The following TTC13 variants were observed in gnomAD, a reference collection of about 807,000 sequenced individuals.
TTC13 encodes the protein tetratricopeptide repeat domain 13, also known as tetratricopeptide repeat protein 13.
Under a neutral mutation model 120.0 loss-of-function variants are expected in TTC13, and 62 were observed. The ratio of observed to expected loss-of-function variants is 0.52; its 90% CI spans 0.42 to 0.64. The LOEUF (loss-of-function observed/expected upper bound fraction) is 0.64. TTC13 is among the 30% of genes least tolerant of loss of function. The pLI, the probability that TTC13 is intolerant of heterozygous loss-of-function variation, is 0.00. For synonymous variants in TTC13, 384 were observed against 393.5 expected (o/e 0.98, Z 0.28); for missense variants, 824 against 1,050.2 (o/e 0.78, Z 2.98).
chr1:230,940,496 G>A lies in TTC13; in HGVS notation c.733C>T (p.Leu245=), dbSNP rs368133026. 2.4e-5 allele frequency: 38 copies of A among 1,613,858 alleles called. No individual in the cohort carries two copies. The highest frequency in any genetic ancestry group is 3.1e-5 in the Non-Finnish European group (37 of 1,179,938). The stretch of plus-strand genomic sequence containing the variant: ...CTGTACAGCCGTGCTGAGGGCTGCA[G>A]TTGGATAGCTTTAGTGAGGTCATTC... ...AVNDLTKAIQ[L]QPSARLYRHR... The change falls in exon 7 of 23, where the codon CTG becomes TTG. Residue 245 remains leucine, a synonymous_variant. Coordinates refer to ENST00000366661, the MANE Select transcript of TTC13 (RefSeq NM_024525.5). This position sits in a 1 kb window ranked among gnomAD's most constrained non-coding sequence, Gnocchi z 4.1.
chr1:230,948,946 T>C (rs1295961611), intron 4 of TTC13, among the ~76,000 whole-genome samples: 1 of 152,100 alleles, frequency 6.6e-6, no homozygotes, highest in Non-Finnish European at 1.5e-5. Context: ...TAAGTCTCAG[T>C]TCAAACACCA....
Position 230,940,410 on chromosome 1 carries a change from TA to T in TTC13, c.789+29del. ...GGGAAAAATGAAATCTTCATCATCA[TA>T]AAAATACTTCAAGACAAAAACCAGT... On this transcript the variant is annotated intron_variant, in intron 7 of 22. Coordinates refer to ENST00000366661, the MANE Select transcript of TTC13 (RefSeq NM_024525.5). This position sits in a 1 kb window ranked among gnomAD's most constrained non-coding sequence, Gnocchi z 4.1. The T allele has an allele frequency of 7.0e-7, 1 of 1,420,440 alleles. No individual in the cohort carries two copies. The highest frequency in any genetic ancestry group is 9.9e-7 in the Non-Finnish European group (1 of 1,011,706). The allele number at this position is 1,420,440 out of a possible 1,614,324, so 88.0% of individuals were successfully genotyped here.
At chr1:230,947,762 G>GA (rs1311755077) in intron 4 of TTC13, among the ~76,000 whole-genome samples, 1 of 152,096 alleles carries the variant, frequency 6.6e-6, no homozygotes, top group African/African-American at 2.4e-5. Context: ...TCTCCTAACA[G>GA]AAAAAAGTTT....
At chr1:230,937,129 T>A (rs1167792634) in intron 8 of TTC13, among the ~76,000 whole-genome samples, 2 of 152,218 alleles carry the variant, frequency 1.3e-5, no homozygotes, top group Admixed American at 1.3e-4. Context: ...AAGCACTGTT[T>A]CTAGGTTCTT....
At chr1:230,931,939 C>A in intron 9 of TTC13, 62 bp from the exon 10 acceptor site, 1 of 1,531,026 alleles carries the variant, frequency 6.5e-7, no homozygotes, top group South Asian at 1.2e-5. Flanking sequence ...ACAGAATAAG[C>A]TATCCTCAGA....
intron 12 of TTC13, among the ~76,000 whole-genome samples, chr1:230,928,024 A>G (rs1177656365): frequency 1.3e-5 from 2 of 151,986 alleles, no homozygotes; most frequent in African/African-American, 4.8e-5. Context: ...CAGCAATACC[A>G]TTCTGTTCAT....
At chr1:230,929,200 G>A in intron 11 of TTC13, 107 bp from the exon 12 acceptor site, 1 of 1,191,256 alleles carries the variant, frequency 8.4e-7, no homozygotes, top group Non-Finnish European at 1.2e-6. Context: ...TCAATTATAA[G>A]AATTCTAAAG....
At chr1:230,935,518 G>A (rs1344840807) in intron 8 of TTC13, among the ~76,000 whole-genome samples, 1 of 152,164 alleles carries the variant, frequency 6.6e-6, no homozygotes, top group African/African-American at 2.4e-5. Flanking sequence ...TTGGAGAGGG[G>A]AAATAGTACT....
rs112689540 is a variant in TTC13, at chr1:230,908,705, T to A, written c.2468+7A>T. The A allele has an allele frequency of 1.0e-3, 1,613 of 1,612,352 alleles. 15 individuals carry two copies. The African/African-American group carries it at 0.017, about 17-fold the overall frequency. On this transcript the variant is annotated splice_region_variant and intron_variant, in intron 22 of 22. Coordinates refer to ENST00000366661, the MANE Select transcript of TTC13 (RefSeq NM_024525.5). ...TACCCTTGTGTGGACCCCCCTCAAG[T>A]AGTTACCTTTTCAAGTTCATCCAGC... is the stretch of plus-strand genomic sequence containing the variant.
intron 1 of TTC13, among the ~76,000 whole-genome samples, chr1:230,963,347 A>C (rs1327718332): frequency 1.3e-5 from 2 of 152,258 alleles, no homozygotes; most frequent in East Asian, 3.9e-4. Context: ...GGTTTAAAAG[A>C]ATGGATGGAG....
chr1:230,956,806 C>G (rs1676128721), intron 3 of TTC13, among the ~76,000 whole-genome samples: 1 of 152,126 alleles, frequency 6.6e-6, no homozygotes, highest in African/African-American at 2.4e-5. Flanking sequence ...ATATTAGGAT[C>G]TAAATTTTGT....
chr1:230,933,263 G>A (rs967275211), intron 9 of TTC13, among the ~76,000 whole-genome samples: 11 of 151,606 alleles, frequency 7.3e-5, no homozygotes, highest in South Asian at 2.1e-4. Flanking sequence ...ATGAGCCACC[G>A]CTCCCGGCTT....
intron 18 of TTC13, among the ~76,000 whole-genome samples, chr1:230,915,909 C>A (rs12758294): frequency 0.17 from 26,019 of 151,460 alleles, 2,441 homozygotes; most frequent in East Asian, 0.4. Context: ...CCTCGCCCCC[C>A]CAAGGAACTT....
Position 230,941,279 on chromosome 1 carries a change from G to A in TTC13, c.673-723C>T, listed in dbSNP as rs187356183. 1.8e-3 allele frequency among the ~76,000 whole-genome samples: 273 copies of A among 152,260 alleles called. 5 individuals carry two copies. The highest frequency in any genetic ancestry group is 4.0e-4 in the Non-Finnish European group (27 of 68,002). On this transcript the variant is annotated intron_variant, in intron 6 of 22. Coordinates refer to ENST00000366661, the MANE Select transcript of TTC13 (RefSeq NM_024525.5). The stretch of plus-strand genomic sequence containing the variant: ...CCCAAGCACTTTATCCTGAATGAAC[G>A]TCCTTAAATTAGGGTTTATTTTGTT...
At chr1:230,969,079 G>A (rs374427632) in intron 1 of TTC13, among the ~76,000 whole-genome samples, 229 of 152,164 alleles carry the variant, frequency 1.5e-3, no homozygotes, top group African/African-American at 5.3e-3. Flanking sequence ...TCGAGACCAC[G>A]GTGAAACCCC....
rs1436425348 is a variant in TTC13 at position 230,956,840 on chromosome 1, GA to G, written c.442+1383del. 3.3e-5 allele frequency among the ~76,000 whole-genome samples: 5 copies of G among 152,114 alleles called. No individual in the cohort carries two copies. In the South Asian group the frequency reaches 6.2e-4, roughly 19 times the overall value. On this transcript the variant is annotated intron_variant, in intron 3 of 22. Transcript: ENST00000366661. ...GTTGTAGGAGTCTAAAGACTTAAAG[GA>G]AAAGCTGGTATAACTGGACTTCTCT...
At chr1:230,948,169 C>T (rs1174053858) in intron 4 of TTC13, among the ~76,000 whole-genome samples, 1 of 152,150 alleles carries the variant, frequency 6.6e-6, no homozygotes, top group East Asian at 1.9e-4. Flanking sequence ...ACTTTTTAAA[C>T]TCCAAATCAC....
At chr1:230,975,575 TAC>T (rs1678206049) in intron 1 of TTC13, among the ~76,000 whole-genome samples, 1 of 152,200 alleles carries the variant, frequency 6.6e-6, no homozygotes, top group African/African-American at 2.4e-5. Flanking sequence ...ATATGTACAA[TAC>T]AGTGTTCATT....
chr1:230,962,276 CAACTAA>C (rs1327140059), intron 1 of TTC13, among the ~76,000 whole-genome samples: 1 of 151,856 alleles, frequency 6.6e-6, no homozygotes, highest in Non-Finnish European at 1.5e-5. Flanking sequence ...TCTTACAACC[CAACTAA>C]AACAACACAA....
Sources: gnomAD v4.1 joint callset for allele counts (sites outside exome capture counted in the v4.1 genomes callset) on GRCh38, gnomAD v4.1.1 for gene constraint, Gnocchi (gnomAD v3.1) non-coding constraint, MANE v1.5 for transcripts, NCBI Gene and HGNC (gene_info 2026-07-23, HGNC 2026-07-21) for gene names.